FAM169A: variants seen among roughly 807,000 people sequenced by gnomAD.
FAM169A encodes the protein family with sequence similarity 169 member A.
A neutral mutation model predicts 75.7 loss-of-function variants in FAM169A; 24 were observed. The observed-to-expected ratio is 0.32, with a 90% CI of 0.23 to 0.45. The LOEUF (loss-of-function observed/expected upper bound fraction) is 0.45, where lower values mean the gene tolerates loss of function less well. FAM169A is among the 20% of genes least tolerant of loss of function. FAM169A has a pLI of 1.00. For missense variants in FAM169A, 673 were observed against 784.0 expected (o/e 0.86, Z 1.69); for synonymous variants, 271 against 271.0 (o/e 1.00, Z 0.00).
intron 11 of FAM169A, among the ~76,000 whole-genome samples, chr5:74,792,393 CAGA>C (rs1232425950): frequency 6.6e-6 from 1 of 152,166 alleles, no homozygotes; most frequent in Non-Finnish European, 1.5e-5. Flanking sequence ...AAAAAGCAGG[CAGA>C]AGAACATGGA....
At chr5:74,794,795 A>C (rs1157837839) in intron 11 of FAM169A, among the ~76,000 whole-genome samples, 1 of 151,146 alleles carries the variant, frequency 6.6e-6, no homozygotes, top group South Asian at 2.1e-4. Flanking sequence ...AAAAAAAAAA[A>C]CAAACACAAA....
At chr5:74,804,407 T>C in intron 8 of FAM169A, 86 bp downstream of exon 8, 1 of 545,350 alleles carries the variant, frequency 1.8e-6, no homozygotes, top group East Asian at 3.1e-5. Context: ...AACTATGACA[T>C]TTAAAACTCA....
At chr5:74,846,290 A>C (rs1749152024) in intron 1 of FAM169A, among the ~76,000 whole-genome samples, 1 of 152,238 alleles carries the variant, frequency 6.6e-6, no homozygotes. Flanking sequence ...TCATTTACTA[A>C]GAGCAATTGT....
At chr5:74,825,649 C>T (rs538767309) in intron 5 of FAM169A, among the ~76,000 whole-genome samples, 3 of 152,140 alleles carry the variant, frequency 2.0e-5, no homozygotes, top group African/African-American at 7.2e-5. Flanking sequence ...AAATTTCCTT[C>T]TTTCACTCTC....
chr5:74,797,047 G>T (rs1452322095), intron 10 of FAM169A, among the ~76,000 whole-genome samples: 1 of 152,094 alleles, frequency 6.6e-6, no homozygotes, highest in Non-Finnish European at 1.5e-5. Context: ...CTTCATCAAG[G>T]CTTTCAAAGA....
Position 74,780,377 on chromosome 5 carries a change from C to G in FAM169A, c.*1083G>C, listed in dbSNP as rs1471478104. On this transcript the variant is annotated 3_prime_UTR_variant, in exon 13 of 13. Coordinates refer to ENST00000687041, the MANE Select transcript of FAM169A (RefSeq NM_001376049.1). ...TCCAAACCTACCCAAAAATGGACAT[C>G]AAGGGCATAAGCCGGCAGGCAGGAA... 1.3e-5 allele frequency: 2 copies of G among 152,184 alleles called. No homozygotes were observed. The highest frequency in any genetic ancestry group is 4.8e-5 in the African/African-American group (2 of 41,430). The allele number at this position is 152,184 out of a possible 1,614,324, so 9.4% of individuals were successfully genotyped here.
intron 4 of FAM169A, among the ~76,000 whole-genome samples, chr5:74,838,600 C>A (rs1426469519): frequency 2.0e-5 from 3 of 152,166 alleles, no homozygotes; most frequent in Non-Finnish European, 2.9e-5. Flanking sequence ...CCTGAAGAGG[C>A]CCTACTAATA....
chr5:74,866,308 C>T lies in FAM169A; in HGVS notation c.-147G>A. On this transcript the variant is annotated 5_prime_UTR_variant, in exon 1 of 13. Transcript: ENST00000687041. Reference sequence around the variant, plus strand: ...GCGGCTGCCAGGGCGAGTGCGGCTGCCTCCCGCTCGCCCCGGACGCCCGGC... The same window carrying T: ...GCGGCTGCCAGGGCGAGTGCGGCTGTCTCCCGCTCGCCCCGGACGCCCGGC... 1 of 984,364 alleles carries T rather than the reference C, an allele frequency of 1.0e-6. No individual in the cohort carries two copies. The highest frequency in any genetic ancestry group is 1.2e-6 in the Non-Finnish European group (1 of 829,546). The allele number at this position is 984,364 out of a possible 1,614,324, so 61.0% of individuals were successfully genotyped here. A position where few individuals can be genotyped will look rare whatever the true frequency, so the allele number is the denominator to read the frequency against.
chr5:74,847,121 C>T (rs1580160930), intron 1 of FAM169A, among the ~76,000 whole-genome samples: 1 of 152,280 alleles, frequency 6.6e-6, no homozygotes, highest in East Asian at 1.9e-4. Context: ...CATCCCTGCT[C>T]CCCTTTTATA....
intron 5 of FAM169A, among the ~76,000 whole-genome samples, chr5:74,829,297 T>C (rs770752519): frequency 4.6e-5 from 7 of 152,210 alleles, no homozygotes; most frequent in African/African-American, 7.2e-5. Flanking sequence ...TTATCTTTCA[T>C]CAAGTGCTTT....
chr5:74,790,437 G>A (rs371308737), intron 11 of FAM169A, among the ~76,000 whole-genome samples: 41 of 152,186 alleles, frequency 2.7e-4, no homozygotes, highest in Admixed American at 2.5e-3. Context: ...TTTGGATGAC[G>A]GTCAGGGACT....
At chr5:74,819,848 G>A (rs1747681120) in intron 5 of FAM169A, among the ~76,000 whole-genome samples, 1 of 152,118 alleles carries the variant, frequency 6.6e-6, no homozygotes, top group Non-Finnish European at 1.5e-5. Context: ...GGTTGTTGAG[G>A]GCTGGGGCCT....
intron 10 of FAM169A, chr5:74,799,527 A>T (rs1746451183): frequency 1.3e-6 from 2 of 1,565,558 alleles, no homozygotes; most frequent in Non-Finnish European, 1.8e-6. Flanking sequence ...AAGTGGATGA[A>T]AAGCTGGCCA....
rs922589948 is a variant in FAM169A, at chr5:74,780,802, T to C, written c.*658A>G. 1 of 152,226 alleles carries C rather than the reference T, an allele frequency of 6.6e-6. No individual in the cohort carries two copies. The highest frequency in any genetic ancestry group is 2.4e-5 in the African/African-American group (1 of 41,460). 9.4% of individuals were successfully genotyped at this position (152,226 alleles called of 1,614,324 possible). On this transcript the variant is annotated 3_prime_UTR_variant, in exon 13 of 13. Transcript: ENST00000687041. ...CCCTGACAGTACTGTTAACATCAGA[T>C]GATAGAATGAATCAGAAACAGATTT...
chr5:74,822,322 G>C (rs1439560813), intron 5 of FAM169A, among the ~76,000 whole-genome samples: 1 of 152,174 alleles, frequency 6.6e-6, no homozygotes, highest in East Asian at 1.9e-4. Context: ...ATTTTGTAAA[G>C]AACTAGTCAC....
intron 5 of FAM169A, among the ~76,000 whole-genome samples, chr5:74,834,004 T>C (rs534760858): frequency 6.6e-6 from 1 of 152,198 alleles, no homozygotes; most frequent in Non-Finnish European, 1.5e-5. Flanking sequence ...CTTTCATATG[T>C]CAGGCTGAAT....
At chr5:74,856,972 G>T (rs1025630569) in intron 1 of FAM169A, among the ~76,000 whole-genome samples, 1 of 151,744 alleles carries the variant, frequency 6.6e-6, no homozygotes, top group Non-Finnish European at 1.5e-5. Flanking sequence ...AGCCTGGTGT[G>T]GTGGTGGGCG....
chr5:74,837,576 G>C (rs1748633607), intron 4 of FAM169A, among the ~76,000 whole-genome samples: 1 of 152,150 alleles, frequency 6.6e-6, no homozygotes, highest in Non-Finnish European at 1.5e-5. Flanking sequence ...AGTTTCTTCA[G>C]TTTCTTTTTT....
At chr5:74,786,319 G>A (rs140361955) in intron 11 of FAM169A, among the ~76,000 whole-genome samples, 9 of 152,216 alleles carry the variant, frequency 5.9e-5, no homozygotes, top group Non-Finnish European at 1.2e-4. Context: ...AACAGGCTTT[G>A]GTACCAGGAG....
Sources: gnomAD v4.1 joint callset for allele counts (sites outside exome capture counted in the v4.1 genomes callset) on GRCh38, gnomAD v4.1.1 for gene constraint, MANE v1.5 for transcripts, NCBI Gene and HGNC (gene_info 2026-07-23, HGNC 2026-07-21) for gene names.